Variants in TRPC6 observed in about 807,000 individuals in gnomAD.
TRPC6 encodes transient receptor potential cation channel subfamily C member 6, also known as short transient receptor potential channel 6.
TRPC6 carries 55 observed loss-of-function variants against 90.7 expected under a neutral mutation model. The ratio of observed to expected loss-of-function variants is 0.61; its 90% CI spans 0.49 to 0.76. TRPC6 has a LOEUF of 0.76. Among genes scored for constraint, TRPC6 ranks in the 30% least tolerant of loss-of-function variants. TRPC6 has a pLI of 0.00. For missense variants in TRPC6, 989 were observed against 1,122.7 expected (o/e 0.88, Z 1.70); for synonymous variants, 393 against 393.0 (o/e 1.00, Z 0.00).
intron 1 of TRPC6, among the ~76,000 whole-genome samples, chr11:101,536,746 C>T (rs2136810256): frequency 6.6e-6 from 1 of 152,248 alleles, no homozygotes; most frequent in Non-Finnish European, 1.5e-5. Flanking sequence ...CGAGAGCATT[C>T]AGGCCGCTGT....
At chr11:101,563,986 G>A (rs1861773018) in intron 1 of TRPC6, among the ~76,000 whole-genome samples, 1 of 151,636 alleles carries the variant, frequency 6.6e-6, no homozygotes, top group Admixed American at 6.6e-5. Context: ...GTTACTGCAC[G>A]CATTGCAGGA....
chr11:101,469,315 T>G (rs960282952), intron 10 of TRPC6, 112 bp downstream of exon 10: 132 of 659,338 alleles, frequency 2.0e-4, no homozygotes, highest in Admixed American at 4.7e-4. Flanking sequence ...AGTTGAATTA[T>G]TTAATGGGTC....
At position 101,566,973 on chromosome 11, in the gene TRPC6, G is replaced by C. The variant is rs908671631; in HGVS notation, c.170+16361C>G. 2.0e-5 allele frequency among the ~76,000 whole-genome samples: 3 copies of C among 152,002 alleles called. No homozygotes were observed. In the South Asian group the frequency reaches 6.2e-4, roughly 32 times the overall value. The stretch of plus-strand genomic sequence containing the variant: ...TTGGAGCAGACACCAAGCTAGCCAC[G>C]GGAGTTTTTTTCCATACCCCAGTGG... On this transcript the variant is annotated intron_variant, in intron 1 of 12. Coordinates refer to ENST00000344327, the MANE Select transcript of TRPC6 (RefSeq NM_004621.6).
intron 1 of TRPC6, among the ~76,000 whole-genome samples, chr11:101,579,946 C>T (rs1368543323): frequency 6.6e-6 from 1 of 152,088 alleles, no homozygotes; most frequent in Non-Finnish European, 1.5e-5. Flanking sequence ...AATCTATACT[C>T]GCTTTTAATG....
At chr11:101,544,870 A>C (rs1159883373) in intron 1 of TRPC6, among the ~76,000 whole-genome samples, 1 of 134,306 alleles carries the variant, frequency 7.4e-6, no homozygotes. Flanking sequence ...CCAGAACTTA[A>C]AGTATAATTA....
At chr11:101,582,507 TTTC>T (rs1862220252) in intron 1 of TRPC6, among the ~76,000 whole-genome samples, 1 of 151,694 alleles carries the variant, frequency 6.6e-6, no homozygotes, top group Admixed American at 6.6e-5. Context: ...AGCGGAGTCT[TTTC>T]TTCTGGAGTC....
chr11:101,538,525 C>A (rs1335625447), intron 1 of TRPC6, among the ~76,000 whole-genome samples: 3 of 152,114 alleles, frequency 2.0e-5, no homozygotes, highest in Non-Finnish European at 4.4e-5. Context: ...ATCCCTGGAA[C>A]CTGTAAGTAT....
At chr11:101,482,613 T>C (rs11224784) in intron 5 of TRPC6, among the ~76,000 whole-genome samples, 53,719 of 152,046 alleles carry the variant, frequency 0.35, 10,855 homozygotes, top group African/African-American at 0.55. Context: ...CAATGTAAAA[T>C]TGTGGTTGTG....
chr11:101,505,529 G>C (rs970154279), intron 1 of TRPC6, among the ~76,000 whole-genome samples: 3 of 152,134 alleles, frequency 2.0e-5, no homozygotes, highest in South Asian at 2.1e-4. Flanking sequence ...CTCTAGCAGA[G>C]GTATCGGCTA....
At chr11:101,567,460 T>C (rs6590889) in intron 1 of TRPC6, among the ~76,000 whole-genome samples, 95,105 of 152,104 alleles carry the variant, frequency 0.63, 29,965 homozygotes, top group Non-Finnish European at 0.66. Context: ...TAAACGTCCC[T>C]GCCAGGCAGC....
At chr11:101,474,401 G>A (rs1859365921) in intron 6 of TRPC6, among the ~76,000 whole-genome samples, 1 of 151,870 alleles carries the variant, frequency 6.6e-6, no homozygotes, top group Non-Finnish European at 1.5e-5. Flanking sequence ...ATTACATCAG[G>A]TCATCAAAAA....
intron 3 of TRPC6, 105 bp from the exon 4 acceptor site, chr11:101,489,206 T>G (rs1175280706): frequency 9.5e-7 from 1 of 1,048,620 alleles, no homozygotes; most frequent in Non-Finnish European, 1.4e-6. Context: ...AAATACATTG[T>G]TAGAATTAAA....
Position 101,476,349 on chromosome 11 carries a change from C to A in TRPC6, c.1696G>T (p.Asp566Tyr). The A allele has an allele frequency of 1.2e-6, 2 of 1,614,064 alleles. No homozygotes were observed. The highest frequency in any genetic ancestry group is 1.7e-6 in the Non-Finnish European group (2 of 1,179,994). The change falls in exon 6 of 13, where the codon GAC becomes TAC. Residue 566 changes from aspartate (D) to tyrosine (Y), a missense_variant. Transcript: ENST00000344327. ...TCTCCCAATGTTACTTTCGTCAAGT[C>A]CTTCAAAGTATCATTTGCGTCAATG... ...SIIDANDTLK[D>Y]LTKVTLGDNV...
At chr11:101,557,166 T>A (rs535432012) in intron 1 of TRPC6, among the ~76,000 whole-genome samples, 16 of 151,952 alleles carry the variant, frequency 1.1e-4, no homozygotes, top group Non-Finnish European at 1.9e-4. Context: ...ACAAGCCTGG[T>A]CAACGTGGTG....
intron 1 of TRPC6, among the ~76,000 whole-genome samples, chr11:101,538,879 T>C (rs1861112211): frequency 6.6e-6 from 1 of 152,156 alleles, no homozygotes. Context: ...GTCCTTCAAC[T>C]ACATGCTACA....
chr11:101,570,771 C>T (rs1861945135), intron 1 of TRPC6, among the ~76,000 whole-genome samples: 1 of 152,134 alleles, frequency 6.6e-6, no homozygotes, highest in Admixed American at 6.5e-5. Context: ...ATGACAAAAA[C>T]CATGTGATGA....
rs1859334556 is a variant in TRPC6 at position 101,473,234 on chromosome 11, G to A, written c.2009+275C>T. Among the ~76,000 whole-genome samples, 3 of 152,052 alleles carry A rather than the reference G, an allele frequency of 2.0e-5. 1 individual carries two copies. The South Asian group carries it at 6.2e-4, about 32-fold the overall frequency. On this transcript the variant is annotated intron_variant, in intron 7 of 12. Coordinates refer to ENST00000344327, the MANE Select transcript of TRPC6 (RefSeq NM_004621.6). ...ATTCAGCAAATTACTTAATTTTTGTGAATTTCAGTTGCCTCTTGGTGAAAT... is the reference window on the plus strand; with the variant it reads ...ATTCAGCAAATTACTTAATTTTTGTAAATTTCAGTTGCCTCTTGGTGAAAT...
chr11:101,528,040 T>A (rs1415882049), intron 1 of TRPC6, among the ~76,000 whole-genome samples: 2 of 152,184 alleles, frequency 1.3e-5, no homozygotes, highest in Non-Finnish European at 2.9e-5. Flanking sequence ...GCCACTGCAC[T>A]CCAGCCTAGG....
intron 6 of TRPC6, 116 bp downstream of exon 6, chr11:101,476,185 T>A (rs139619229): frequency 1.2e-6 from 1 of 813,530 alleles, no homozygotes; most frequent in African/African-American, 1.7e-5. Context: ...CAGATACAGA[T>A]GTTGGAAACT....
Sources: gnomAD v4.1 joint callset for allele counts (sites outside exome capture counted in the v4.1 genomes callset) on GRCh38, gnomAD v4.1.1 for gene constraint, MANE v1.5 for transcripts, NCBI Gene and HGNC (gene_info 2026-07-23, HGNC 2026-07-21) for gene names.